The following SMIM20 variants were observed in gnomAD, a reference collection of about 807,000 sequenced individuals.
The protein encoded by SMIM20 is mitochondrial translation regulation assembly intermediate of cytochrome c oxidase protein of 7 kDa.
In SMIM20, 3 loss-of-function variants were observed where a neutral mutation model predicts 8.7. That is an observed-to-expected ratio of 0.34 (90% CI 0.16 to 0.89). The LOEUF is 0.89. Among genes scored for constraint, SMIM20 ranks in the 40% least tolerant of loss-of-function variants. SMIM20 has a pLI of 0.49. For missense variants in SMIM20, 85 were observed against 84.8 expected (o/e 1.00, Z -0.01); for synonymous variants, 44 against 33.6 (o/e 1.31, Z -1.07).
rs2109360894 is a variant in SMIM20 at position 25,914,401 on chromosome 4, C to T, written c.88C>T (p.Leu30=). Residue 30 remains leucine (L), a synonymous_variant, in exon 1 of 3, where the codon CTA becomes TTA. Coordinates refer to ENST00000506197, the MANE Select transcript of SMIM20 (RefSeq NM_001145432.3). The part of the protein sequence containing the change: ...AAFYPIYFRP[L]MRLEEYKKEQ... ...CTTCTATCCCATCTACTTCCGGCCC[C>T]TAATGAGATTGGAGGAGTACAGTGA... 1 of 1,527,510 alleles carries T rather than the reference C, an allele frequency of 6.5e-7. No homozygotes were observed. The allele number at this position is 1,527,510 out of a possible 1,614,324, so 94.6% of individuals were successfully genotyped here.
chr4:25,919,345 CTT>C (rs938542458), intron 1 of SMIM20, among the ~76,000 whole-genome samples: 1 of 149,236 alleles, frequency 6.7e-6, no homozygotes, highest in Non-Finnish European at 1.5e-5. Flanking sequence ...TTTGTGTCTT[CTT>C]TTTTTTTTCT....
chr4:25,926,624 G>C (rs980659756), intron 1 of SMIM20, among the ~76,000 whole-genome samples: 2 of 152,168 alleles, frequency 1.3e-5, no homozygotes, highest in Non-Finnish European at 2.9e-5. Context: ...ACCCAATTAG[G>C]CATTCGGTCC....
chr4:25,920,384 G>T (rs1719174978), intron 1 of SMIM20, among the ~76,000 whole-genome samples: 1 of 151,894 alleles, frequency 6.6e-6, no homozygotes, highest in South Asian at 2.1e-4. Flanking sequence ...TCACACAAAA[G>T]TTTAAAAAGG....
intron 1 of SMIM20, among the ~76,000 whole-genome samples, chr4:25,926,391 G>A (rs1464219663): frequency 6.6e-6 from 1 of 152,178 alleles, no homozygotes; most frequent in African/African-American, 2.4e-5. Flanking sequence ...GCTAATACCT[G>A]GTTATCATTT....
intron 1 of SMIM20, among the ~76,000 whole-genome samples, chr4:25,927,221 A>G (rs1251445763): frequency 4.6e-5 from 7 of 152,230 alleles, no homozygotes; most frequent in Non-Finnish European, 1.0e-4. Flanking sequence ...AGACTTGGAT[A>G]TCAGGATTCC....
intron 1 of SMIM20, among the ~76,000 whole-genome samples, chr4:25,925,483 C>T (rs1719275362): frequency 6.6e-6 from 1 of 152,122 alleles, no homozygotes; most frequent in South Asian, 2.1e-4. Context: ...GTGATCCACC[C>T]GCCTCGGCCT....
At chr4:25,919,725 G>C (rs1359753289) in intron 1 of SMIM20, among the ~76,000 whole-genome samples, 1 of 151,996 alleles carries the variant, frequency 6.6e-6, no homozygotes, top group East Asian at 1.9e-4. Flanking sequence ...CCCGCTACTA[G>C]TTTGAAAGTT....
Position 25,914,252 on chromosome 4 carries a change from G to T in SMIM20, c.-62G>T, listed in dbSNP as rs1294244587. The T allele has an allele frequency of 1.3e-6, 2 of 1,516,908 alleles. No homozygotes were observed. Among genetic ancestry groups the T allele is most frequent in the South Asian group, 2.5e-5 (2 of 81,378 alleles). 94.0% of individuals were successfully genotyped at this position (1,516,908 alleles called of 1,614,324 possible). A position where few individuals can be genotyped will look rare whatever the true frequency, so the allele number is the denominator to read the frequency against. On this transcript the variant is annotated 5_prime_UTR_variant, in exon 1 of 3. Transcript: ENST00000506197. ...GAGCGGGGTCACGGCCCGGCCGTCG[G>T]TAACCTGGTTTCCGAGAGTGCCGGG... is the stretch of plus-strand genomic sequence containing the variant.
chr4:25,919,593 C>A (rs904251968), intron 1 of SMIM20, among the ~76,000 whole-genome samples: 9 of 152,122 alleles, frequency 5.9e-5, no homozygotes, highest in African/African-American at 2.2e-4. Context: ...GGCAATCCGG[C>A]TGTCTCAGCC....
At chr4:25,916,995 AC>A (rs530472561) in intron 1 of SMIM20, among the ~76,000 whole-genome samples, 52 of 152,090 alleles carry the variant, frequency 3.4e-4, no homozygotes, top group African/African-American at 1.2e-3. Context: ...CTATATATTA[AC>A]CCATTTAGTG....
At chr4:25,914,764 T>A (rs1484270035) in intron 1 of SMIM20, among the ~76,000 whole-genome samples, 1 of 152,220 alleles carries the variant, frequency 6.6e-6, no homozygotes, top group Non-Finnish European at 1.5e-5. Context: ...CTATTACACG[T>A]CAGGTTAGGC....
At chr4:25,920,716 G>A (rs1719181261) in intron 1 of SMIM20, among the ~76,000 whole-genome samples, 1 of 152,178 alleles carries the variant, frequency 6.6e-6, no homozygotes, top group Admixed American at 6.5e-5. Context: ...CACTCCTGCA[G>A]GATTCATTCA....
intron 1 of SMIM20, among the ~76,000 whole-genome samples, chr4:25,917,626 G>A (rs113834179): frequency 2.6e-5 from 4 of 152,218 alleles, no homozygotes; most frequent in South Asian, 4.1e-4. Flanking sequence ...TCTAGCAATC[G>A]CTGGGTGCCT....
chr4:25,914,382 T>G lies in SMIM20; in HGVS notation c.69T>G (p.Tyr23Ter), dbSNP rs1577358968. ...GFISLIGAAF[Y>*]PIYFRPLMRL... ...TCTCCCTGATCGGCGCCGCCTTCTA[T>G]CCCATCTACTTCCGGCCCCTAATGA... The change falls in exon 1 of 3, where the codon TAT becomes TAG. Residue 23 changes from tyrosine (Y) to a stop codon, truncating the protein, a stop_gained. Coordinates refer to ENST00000506197, the MANE Select transcript of SMIM20 (RefSeq NM_001145432.3). LOFTEE classifies it high-confidence loss of function. 2 of 1,542,174 alleles carry G rather than the reference T, an allele frequency of 1.3e-6. No individual in the cohort carries two copies. Among genetic ancestry groups the G allele is most frequent in the East Asian group, 4.9e-5 (2 of 40,796 alleles).
chr4:25,914,350 G>A lies in SMIM20; in HGVS notation c.37G>A (p.Gly13Ser). 1 of 1,550,580 alleles carries A rather than the reference G, an allele frequency of 6.4e-7. No individual in the cohort carries two copies. Among genetic ancestry groups the A allele is most frequent in the Non-Finnish European group, 8.7e-7 (1 of 1,146,282 alleles). Residue 13 changes from glycine to serine, a missense_variant, in exon 1 of 3, where the codon GGC becomes AGC. By Grantham distance (56) the Gly-to-Ser change is moderately conservative (BLOSUM62 0). Coordinates refer to ENST00000506197, the MANE Select transcript of SMIM20 (RefSeq NM_001145432.3). ...CCTGCGCACCGCGCTCATTTTCGGCGGCTTCATCTCCCTGATCGGCGCCGC... is the reference window on the plus strand; with the variant it reads ...CCTGCGCACCGCGCTCATTTTCGGCAGCTTCATCTCCCTGATCGGCGCCGC... ...RNLRTALIFG[G>S]FISLIGAAFY...
intron 2 of SMIM20, 84 bp downstream of exon 2, chr4:25,928,453 A>T (rs1236664022): frequency 1.3e-5 from 18 of 1,352,226 alleles, no homozygotes; most frequent in Non-Finnish European, 1.8e-5. Flanking sequence ...CTTGGCGTGG[A>T]GAGTGGGAAA....
At chr4:25,929,126 C>T (rs1196929776) in intron 2 of SMIM20, 28 bp from the exon 3 acceptor site, 3 of 1,551,162 alleles carry the variant, frequency 1.9e-6, no homozygotes, top group Non-Finnish European at 2.6e-6. Flanking sequence ...AAAATGAATC[C>T]TGTTTTTGTT....
At position 25,914,418 on chromosome 4, in the gene SMIM20, G is replaced by GGAA. The variant is rs758433356; in HGVS notation, c.105_106insGAA (p.Glu35dup). Reference sequence around the variant, plus strand: ...TCCGGCCCCTAATGAGATTGGAGGAGTACAGTGAGTGATCTCTAACCCCTT... The same window carrying GGAA: ...TCCGGCCCCTAATGAGATTGGAGGAGGAATACAGTGAGTGATCTCTAACCCCTT... On this transcript the variant is annotated inframe_insertion, in exon 1 of 3. Coordinates refer to ENST00000506197, the MANE Select transcript of SMIM20 (RefSeq NM_001145432.3). The GGAA allele has an allele frequency of 1.2e-5, 18 of 1,496,594 alleles. 1 individual carries two copies. In the Admixed American group the frequency reaches 2.9e-4, roughly 24 times the overall value. The allele number at this position is 1,496,594 out of a possible 1,614,324, so 92.7% of individuals were successfully genotyped here.
At chr4:25,914,530 A>G in intron 1 of SMIM20, 108 bp downstream of exon 1, 1 of 1,146,830 alleles carries the variant, frequency 8.7e-7, no homozygotes, top group Non-Finnish European at 1.2e-6. Flanking sequence ...AGGGTTAGGG[A>G]GAGCCGGGTT....
Sources: allele counts gnomAD v4.1 joint callset (sites outside exome capture counted in the v4.1 genomes callset), GRCh38; gene constraint gnomAD v4.1.1; transcripts MANE v1.5; gene names NCBI Gene and HGNC (gene_info 2026-07-23, HGNC 2026-07-21).